The following PRTG variants were observed in gnomAD, a reference collection of about 807,000 sequenced individuals.
The protein encoded by PRTG is immunoglobulin superfamily, DCC subclass, member 5.
Under a neutral mutation model 122.5 loss-of-function variants are expected in PRTG, and 67 were observed. The observed-to-expected ratio is 0.55, with a 90% confidence interval of 0.45 to 0.67. The LOEUF is 0.67. Among genes scored for constraint, PRTG ranks in the 30% least tolerant of loss-of-function variants. The probability of loss-of-function intolerance (pLI) is 0.00; values close to 1 mark genes in which losing one functional copy is unlikely to be tolerated. For missense variants in PRTG, 1,435 were observed against 1,415.4 expected (o/e 1.01, Z -0.22); for synonymous variants, 554 against 501.1 (o/e 1.11, Z -1.41).
intron 15 of PRTG, among the ~76,000 whole-genome samples, chr15:55,635,621 C>T (rs998695919): frequency 1.3e-5 from 2 of 152,268 alleles, no homozygotes; most frequent in East Asian, 3.9e-4. Context: ...ACTTTCAAGT[C>T]CCTTCAGTGA....
chr15:55,683,931 G>T lies in PRTG; in HGVS notation c.398C>A (p.Thr133Asn), dbSNP rs906055613. The change falls in exon 3 of 20, where the codon ACT (threonine) becomes AAT (asparagine). Residue 133 changes from threonine (T) to asparagine (N), a missense_variant and splice_region_variant. Transcript: ENST00000389286. ...TGGCTGGACTTCAAATGCAGAAATA[G>T]CTATAAGATAAAGTTTGAGAAATTC... Reference protein sequence around the residue: ...LSQKAHLALSTISAFEVQPIS... With the variant: ...LSQKAHLALSNISAFEVQPIS... 1 of 1,612,082 alleles carries T rather than the reference G, an allele frequency of 6.2e-7. No individual in the cohort carries two copies. Among genetic ancestry groups the T allele is most frequent in the Non-Finnish European group, 8.5e-7 (1 of 1,178,698 alleles).
chr15:55,652,941 A>T (rs983526132), intron 11 of PRTG, among the ~76,000 whole-genome samples: 3 of 152,204 alleles, frequency 2.0e-5, no homozygotes, highest in Non-Finnish European at 4.4e-5. Flanking sequence ...TGAAGGTACT[A>T]GTATGCTGAT....
intron 4 of PRTG, among the ~76,000 whole-genome samples, chr15:55,680,940 T>G (rs34303822): frequency 0.37 from 56,432 of 151,958 alleles, 13,336 homozygotes; most frequent in Non-Finnish European, 0.53. Flanking sequence ...ACTAATCTAC[T>G]TTCAGTCTCT....
At chr15:55,646,292 A>G (rs7176818) in intron 11 of PRTG, among the ~76,000 whole-genome samples, 68,835 of 145,576 alleles carry the variant, frequency 0.47, 18,694 homozygotes, top group Non-Finnish European at 0.64. Flanking sequence ...GATTACAGGC[A>G]TGAGCCACTG....
intron 11 of PRTG, among the ~76,000 whole-genome samples, chr15:55,663,091 A>T (rs1399604152): frequency 6.6e-6 from 1 of 152,210 alleles, no homozygotes; most frequent in Non-Finnish European, 1.5e-5. Flanking sequence ...AGAACACTTA[A>T]GCATCATTCT....
In PRTG at chr15:55,679,458, A is replaced by G. The variant is rs116430831; in HGVS notation, c.974-13T>C. ...AATGAAGGAGGAGCTATTTTTAAAG[A>G]AAAAAATGAAATATTTCTGTGATCC... On this transcript the variant is annotated splice_polypyrimidine_tract_variant and intron_variant, in intron 6 of 19. Transcript: ENST00000389286. 1,379 of 1,594,246 alleles carry G rather than the reference A, an allele frequency of 8.6e-4. 13 individuals are homozygous for G. In the African/African-American group the frequency reaches 0.014, roughly 16 times the overall value.
In PRTG at chr15:55,682,362, A is replaced by T. The variant is rs1555433304; in HGVS notation, c.676+2T>A. On this transcript the variant is annotated splice_donor_variant, in intron 4 of 19. Transcript: ENST00000389286. LOFTEE classifies it high-confidence loss of function. ...AAATGGAAAAACCACTCTGCGTGGT[A>T]CCTGGAATCACAGTTAGCGAGGCCT... 1 of 1,591,290 alleles carries T rather than the reference A, an allele frequency of 6.3e-7. No individual in the cohort carries two copies. Among genetic ancestry groups the T allele is most frequent in the Non-Finnish European group, 8.6e-7 (1 of 1,167,212 alleles).
chr15:55,622,339 T>C (rs1370353468), intron 18 of PRTG, among the ~76,000 whole-genome samples: 2 of 149,422 alleles, frequency 1.3e-5, no homozygotes, highest in African/African-American at 4.9e-5. Context: ...TGCCTCAGCC[T>C]CCCGAGTAGC....
rs531844820 is a variant in PRTG at position 55,725,180 on chromosome 15, T to C, written c.397+15202A>G. On this transcript the variant is annotated intron_variant, in intron 2 of 19. Transcript: ENST00000389286. ...AATATAAAAGGGGGGTGAAGCTGTA[T>C]AGATGCAAAAATTCGCATACTACTG... is the stretch of plus-strand genomic sequence containing the variant. Among the ~76,000 whole-genome samples, 3 of 152,314 alleles carry C rather than the reference T, an allele frequency of 2.0e-5. No individual in the cohort carries two copies. In the East Asian group the frequency reaches 5.8e-4, roughly 29 times the overall value.
chr15:55,743,133 A>C lies in PRTG; in HGVS notation c.-202T>G. 1 of 1,255,278 alleles carries C rather than the reference A, an allele frequency of 8.0e-7. No homozygotes were observed. The highest frequency in any genetic ancestry group is 1.0e-6 in the Non-Finnish European group (1 of 1,003,316). The allele number at this position is 1,255,278 out of a possible 1,614,324, so 77.8% of individuals were successfully genotyped here. A position where few individuals can be genotyped will look rare whatever the true frequency, so the allele number is the denominator to read the frequency against. On this transcript the variant is annotated 5_prime_UTR_variant, in exon 1 of 20. Coordinates refer to ENST00000389286, the MANE Select transcript of PRTG (RefSeq NM_173814.6). The stretch of plus-strand genomic sequence containing the variant: ...GCTCGCGAGAAGCAAGGGGCCTGAG[A>C]GTCCGGCTGGGGGCGGAGTGAGGCG...
intron 2 of PRTG, among the ~76,000 whole-genome samples, chr15:55,725,663 A>C (rs2031004436): frequency 6.6e-6 from 1 of 152,182 alleles, no homozygotes; most frequent in Admixed American, 6.5e-5. Context: ...CTTCCTTATC[A>C]GTAATTACAA....
At chr15:55,732,656 G>A (rs895385118) in intron 2 of PRTG, among the ~76,000 whole-genome samples, 1 of 151,756 alleles carries the variant, frequency 6.6e-6, no homozygotes, top group Non-Finnish European at 1.5e-5. Context: ...CACCACACCC[G>A]GCTAGTTTTG....
rs2031006498 is a variant in PRTG at position 55,725,725 on chromosome 15, G to A, written c.397+14657C>T. ...TCAAAAAGAAAAGGTTGACAAAATGGATTTTTAAAAACTCATGATTGAACT... is the reference window on the plus strand; with the variant it reads ...TCAAAAAGAAAAGGTTGACAAAATGAATTTTTAAAAACTCATGATTGAACT... On this transcript the variant is annotated intron_variant, in intron 2 of 19. Coordinates refer to ENST00000389286, the MANE Select transcript of PRTG (RefSeq NM_173814.6). 9.2e-5 allele frequency among the ~76,000 whole-genome samples: 14 copies of A among 152,218 alleles called. 1 individual carries two copies. The South Asian group carries it at 2.9e-3, about 32-fold the overall frequency.
intron 16 of PRTG, among the ~76,000 whole-genome samples, chr15:55,628,330 G>C (rs748600430): frequency 6.6e-6 from 1 of 150,958 alleles, no homozygotes; most frequent in Non-Finnish European, 1.5e-5. Flanking sequence ...GATGAGTAGT[G>C]TAAGGGTAGC....
At chr15:55,631,646 T>C (rs1376382341) in intron 15 of PRTG, among the ~76,000 whole-genome samples, 1 of 152,190 alleles carries the variant, frequency 6.6e-6, no homozygotes, top group Non-Finnish European at 1.5e-5. Flanking sequence ...TGTGTCTGAA[T>C]CTTCAGTCAG....
At chr15:55,652,866 C>T (rs2059360462) in intron 11 of PRTG, among the ~76,000 whole-genome samples, 1 of 151,934 alleles carries the variant, frequency 6.6e-6, no homozygotes, top group Admixed American at 6.6e-5. Context: ...TTCTTTGTCT[C>T]ATATCGTCAA....
In PRTG at chr15:55,617,877, T is replaced by C. The variant is rs951641526; in HGVS notation, c.*2135A>G. On this transcript the variant is annotated 3_prime_UTR_variant, in exon 20 of 20. Transcript: ENST00000389286. ...CACTGTACTTAATTTTAGATACTGA[T>C]AAAAGTTGGCCCTATATACTTCTAC... The C allele has an allele frequency of 6.6e-6, 1 of 152,162 alleles. No homozygotes were observed. The highest frequency in any genetic ancestry group is 1.5e-5 in the Non-Finnish European group (1 of 68,012). 9.4% of individuals were successfully genotyped at this position (152,162 alleles called of 1,614,324 possible).
rs1436959160 is a variant in PRTG, at chr15:55,613,599, T to TG, written c.*6412dup. On this transcript the variant is annotated 3_prime_UTR_variant, in exon 20 of 20. Transcript: ENST00000389286. ...GTTACAGCCGCCTTAATCCCTCCTGTGAATAAGTGGATTTAAATAAGGTAG... is the reference window on the plus strand; with the variant it reads ...GTTACAGCCGCCTTAATCCCTCCTGTGGAATAAGTGGATTTAAATAAGGTAG... 1 of 152,044 alleles carries TG rather than the reference T, an allele frequency of 6.6e-6. No individual in the cohort carries two copies. Among genetic ancestry groups the TG allele is most frequent in the Non-Finnish European group, 1.5e-5 (1 of 67,964 alleles). The allele number at this position is 152,044 out of a possible 1,614,324, so 9.4% of individuals were successfully genotyped here.
intron 2 of PRTG, among the ~76,000 whole-genome samples, chr15:55,728,467 A>G (rs1342554930): frequency 6.6e-6 from 1 of 152,230 alleles, no homozygotes; most frequent in Non-Finnish European, 1.5e-5. Context: ...TCAACAGAAG[A>G]AAATTAATCA....
Sources: gnomAD v4.1 joint callset for allele counts (sites outside exome capture counted in the v4.1 genomes callset) on GRCh38, gnomAD v4.1.1 for gene constraint, MANE v1.5 for transcripts, NCBI Gene and HGNC (gene_info 2026-07-23, HGNC 2026-07-21) for gene names.